The following DIP2B variants were observed in gnomAD, a reference collection of about 807,000 sequenced individuals.
The protein encoded by DIP2B is disco-interacting protein 2 homolog B.
DIP2B carries 76 observed loss-of-function variants against 198.0 expected under a neutral mutation model. The ratio of observed to expected loss-of-function variants is 0.38; its 90% CI spans 0.32 to 0.46. DIP2B has a LOEUF of 0.46. Ranked by LOEUF, DIP2B falls within the 20% of genes least tolerant of loss-of-function variation. The pLI, the probability that DIP2B is intolerant of heterozygous loss-of-function variation, is 0.99. For missense variants in DIP2B, 1,559 were observed against 1,978.4 expected, an observed-to-expected ratio of 0.79 and a Z score of 4.02; for synonymous variants, 701 against 739.1, an observed-to-expected ratio of 0.95 and a Z score of 0.84.
chr12:50,526,508 C>A (rs1958165949), intron 1 of DIP2B, among the ~76,000 whole-genome samples: 1 of 152,090 alleles, frequency 6.6e-6, no homozygotes, highest in Non-Finnish European at 1.5e-5. Context: ...CAGCTCCAAG[C>A]CTGGGACAGT....
At chr12:50,549,806 A>G (rs143155719) in intron 1 of DIP2B, among the ~76,000 whole-genome samples, 356 of 151,132 alleles carry the variant, frequency 2.4e-3, no homozygotes, top group African/African-American at 8.0e-3. Context: ...ATGGCCACTT[A>G]TAAATAGATA....
intron 3 of DIP2B, among the ~76,000 whole-genome samples, chr12:50,650,057 A>G (rs1938427047): frequency 6.6e-6 from 1 of 152,062 alleles, no homozygotes; most frequent in Non-Finnish European, 1.5e-5. Flanking sequence ...AAAAATACAA[A>G]AAATGAGCCA....
chr12:50,722,408 C>A (rs1322689872), intron 26 of DIP2B, among the ~76,000 whole-genome samples: 1 of 152,036 alleles, frequency 6.6e-6, no homozygotes, highest in East Asian at 1.9e-4. Context: ...CACACGCCAC[C>A]ACGCCCAGCT....
intron 1 of DIP2B, among the ~76,000 whole-genome samples, chr12:50,576,584 T>G (rs1022111122): frequency 5.9e-5 from 9 of 151,582 alleles, no homozygotes; most frequent in Non-Finnish European, 1.0e-4. Context: ...GTTCATGCCA[T>G]TCTCCTGCCT....
intron 37 of DIP2B, among the ~76,000 whole-genome samples, chr12:50,741,748 C>G (rs575450166): frequency 6.6e-6 from 1 of 152,258 alleles, no homozygotes; most frequent in African/African-American, 2.4e-5. Context: ...GGCCATGAGG[C>G]CCCTGGGGAA....
chr12:50,666,168 T>C (rs943820846), intron 4 of DIP2B, among the ~76,000 whole-genome samples: 20 of 152,372 alleles, frequency 1.3e-4, no homozygotes, highest in Non-Finnish European at 2.9e-5. Flanking sequence ...AAAAACCCAC[T>C]GTATCCGGTT....
At chr12:50,534,079 A>G (rs1958242363) in intron 1 of DIP2B, among the ~76,000 whole-genome samples, 1 of 152,128 alleles carries the variant, frequency 6.6e-6, no homozygotes. Context: ...CTCATTCCCC[A>G]TGATTCTAAA....
At chr12:50,731,242 C>G (rs925948520) in intron 30 of DIP2B, 127 bp from the exon 31 acceptor site, 6 of 1,150,954 alleles carry the variant, frequency 5.2e-6, no homozygotes, top group African/African-American at 1.5e-5. Context: ...ATTCTTAGAG[C>G]TTTATATCTC....
chr12:50,613,509 G>T (rs1018186514), intron 1 of DIP2B, among the ~76,000 whole-genome samples: 5 of 152,128 alleles, frequency 3.3e-5, no homozygotes, highest in African/African-American at 7.2e-5. Flanking sequence ...TAGAGAAAAG[G>T]TATCTCTAAA....
At chr12:50,611,912 A>G (rs1241422701) in intron 1 of DIP2B, among the ~76,000 whole-genome samples, 1 of 152,068 alleles carries the variant, frequency 6.6e-6, no homozygotes, top group Non-Finnish European at 1.5e-5. Context: ...AGAAAAGCAG[A>G]TACAGGCCAG....
chr12:50,600,357 A>G (rs1958924224), intron 1 of DIP2B, among the ~76,000 whole-genome samples: 1 of 152,220 alleles, frequency 6.6e-6, no homozygotes, highest in Non-Finnish European at 1.5e-5. Context: ...GAATAAATTG[A>G]TTCCTGTTCT....
At chr12:50,622,594 A>G (rs572576627) in intron 1 of DIP2B, among the ~76,000 whole-genome samples, 21 of 152,342 alleles carry the variant, frequency 1.4e-4, no homozygotes, top group African/African-American at 3.8e-4. Flanking sequence ...AAAATTTTAC[A>G]TGTGTGCAAA....
At chr12:50,657,059 G>A (rs552424791) in intron 3 of DIP2B, 3 of 151,868 alleles carry the variant, frequency 2.0e-5, no homozygotes, top group Non-Finnish European at 2.9e-5. Context: ...ACACAAACTC[G>A]TGAAATGTTC....
At chr12:50,515,626 G>T (rs1476353761) in intron 1 of DIP2B, among the ~76,000 whole-genome samples, 4 of 151,996 alleles carry the variant, frequency 2.6e-5, no homozygotes, top group Non-Finnish European at 5.9e-5. Context: ...CTCTCTCTGG[G>T]GTTTCTTCTA....
chr12:50,706,756 C>T (rs1939520945), intron 21 of DIP2B, 91 bp downstream of exon 21: 1 of 1,451,752 alleles, frequency 6.9e-7, no homozygotes. Context: ...TGTAGGTTCT[C>T]TTTCCAAGTG....
At chr12:50,683,093 A>G in intron 9 of DIP2B, 45 bp from the exon 10 acceptor site, 1 of 1,442,834 alleles carries the variant, frequency 6.9e-7, no homozygotes, top group Non-Finnish European at 9.6e-7. Context: ...AAGCATTAGT[A>G]TGTTTTTATT....
intron 1 of DIP2B, among the ~76,000 whole-genome samples, chr12:50,536,065 A>T (rs998614854): frequency 1.3e-5 from 2 of 151,510 alleles, no homozygotes; most frequent in African/African-American, 4.9e-5. Context: ...TCCATGGTGT[A>T]TATGTGCCAC....
At chr12:50,685,324 G>A (rs1240563162) in intron 10 of DIP2B, among the ~76,000 whole-genome samples, 1 of 152,086 alleles carries the variant, frequency 6.6e-6, no homozygotes, top group Non-Finnish European at 1.5e-5. Context: ...TGCTGTTTTT[G>A]TGTAAGGCTT....
At chr12:50,560,132 G>A (rs191183475) in intron 1 of DIP2B, among the ~76,000 whole-genome samples, 12 of 152,028 alleles carry the variant, frequency 7.9e-5, no homozygotes, top group African/African-American at 2.9e-4. Context: ...CAAAAAATTA[G>A]CCCTTTAATC....
Sources: allele counts gnomAD v4.1 joint callset (sites outside exome capture counted in the v4.1 genomes callset), GRCh38; gene constraint gnomAD v4.1.1; transcripts MANE v1.5; gene names NCBI Gene and HGNC (gene_info 2026-07-23, HGNC 2026-07-21).